Variants in UNC13A observed in about 807,000 individuals in gnomAD.
UNC13A encodes protein unc-13 homolog A.
A neutral mutation model predicts 219.7 loss-of-function variants in UNC13A; 61 were observed. That is an observed-to-expected ratio of 0.28 (90% CI 0.23 to 0.34). The LOEUF (loss-of-function observed/expected upper bound fraction) is 0.34, where lower values mean the gene tolerates loss of function less well. Ranked by LOEUF, UNC13A falls within the 10% of genes least tolerant of loss-of-function variation. The pLI is 1.00. For missense variants in UNC13A, 1,476 were observed against 2,270.3 expected, an observed-to-expected ratio of 0.65 and a Z score of 7.11; for synonymous variants, 920 against 884.6, an observed-to-expected ratio of 1.04 and a Z score of -0.71.
intron 36 of UNC13A, chr19:17,622,733 G>T (rs1015367072): frequency 5.9e-5 from 9 of 153,658 alleles, no homozygotes; most frequent in African/African-American, 1.7e-4. Flanking sequence ...CGCGATCTCG[G>T]CTCACTGCAA....
chr19:17,648,341 C>A, intron 16 of UNC13A, 90 bp downstream of exon 16: 1 of 1,298,448 alleles, frequency 7.7e-7, no homozygotes, highest in South Asian at 1.6e-5. Flanking sequence ...GTGCCCCACC[C>A]ATCGCCTTGC....
chr19:17,632,006 G>A (rs2076861147), intron 28 of UNC13A, among the ~76,000 whole-genome samples: 1 of 152,166 alleles, frequency 6.6e-6, no homozygotes, highest in African/African-American at 2.4e-5. Flanking sequence ...CGCCTCCTGG[G>A]TTCAAGCAAT....
chr19:17,659,719 T>C (rs1568264354), intron 8 of UNC13A, among the ~76,000 whole-genome samples: 1 of 152,046 alleles, frequency 6.6e-6, no homozygotes, highest in Non-Finnish European at 1.5e-5. Context: ...CAGTGAGCTA[T>C]GATTACGCCT....
chr19:17,657,919 G>T, intron 9 of UNC13A, 143 bp downstream of exon 9: 1 of 769,630 alleles, frequency 1.3e-6, no homozygotes. Context: ...ATTCCCACAA[G>T]AAAATGTGAA....
chr19:17,629,365 C>A (rs374984227), intron 30 of UNC13A, 42 bp from the exon 31 acceptor site: 5 of 1,562,218 alleles, frequency 3.2e-6, no homozygotes, highest in African/African-American at 1.4e-5. Flanking sequence ...GAGGCTGGCA[C>A]CAAGGCAGGC....
chr19:17,668,860 A>G (rs1238442916), intron 5 of UNC13A, among the ~76,000 whole-genome samples: 1 of 152,096 alleles, frequency 6.6e-6, no homozygotes, highest in Admixed American at 6.6e-5. Flanking sequence ...CAGTGGCACA[A>G]TCACAACTCA....
chr19:17,603,486 A>G lies in UNC13A; in HGVS notation c.*2568T>C, dbSNP rs988868421. On this transcript the variant is annotated 3_prime_UTR_variant, in exon 44 of 44. Coordinates refer to ENST00000519716, the MANE Select transcript of UNC13A (RefSeq NM_001080421.3). ...CTGCTCCTCAGTCCATATAACAGTCACATAAGCTTATCCCTGGCTACAACT... is the reference window on the plus strand; with the variant it reads ...CTGCTCCTCAGTCCATATAACAGTCGCATAAGCTTATCCCTGGCTACAACT... 6.6e-6 allele frequency: 1 copy of G among 152,354 alleles called. No homozygotes were observed. The highest frequency in any genetic ancestry group is 2.4e-5 in the African/African-American group (1 of 41,562). 9.4% of individuals were successfully genotyped at this position (152,354 alleles called of 1,614,324 possible). A position where few individuals can be genotyped will look rare whatever the true frequency, so the allele number is the denominator to read the frequency against.
intron 12 of UNC13A, among the ~76,000 whole-genome samples, chr19:17,650,469 C>T (rs905703918): frequency 5.3e-5 from 8 of 152,142 alleles, no homozygotes; most frequent in African/African-American, 1.4e-4. Context: ...GTCGAGATCA[C>T]GCCACTGCAA....
At chr19:17,648,407 C>G (rs757787332) in intron 16 of UNC13A, 24 bp downstream of exon 16, 16 of 1,536,046 alleles carry the variant, frequency 1.0e-5, no homozygotes, top group Non-Finnish European at 1.4e-5. Context: ...AACCCGTGGC[C>G]CTGCGCTCAG....
chr19:17,639,056 TC>T, intron 25 of UNC13A, 26 bp downstream of exon 25: 3 of 1,555,246 alleles, frequency 1.9e-6, no homozygotes, highest in Admixed American at 2.0e-5. Flanking sequence ...GCATCACTGT[TC>T]CCTTCTGACC....
At chr19:17,673,946 G>A (rs911007088) in intron 3 of UNC13A, among the ~76,000 whole-genome samples, 1 of 152,156 alleles carries the variant, frequency 6.6e-6, no homozygotes, top group East Asian at 1.9e-4. Context: ...GGGAGGTGGA[G>A]GTTGAAGTGA....
chr19:17,625,513 C>G (rs974165556), intron 34 of UNC13A, among the ~76,000 whole-genome samples: 1 of 152,042 alleles, frequency 6.6e-6, no homozygotes, highest in Admixed American at 6.5e-5. Context: ...CCTTAATTCT[C>G]TATTTCTTTT....
intron 16 of UNC13A, 85 bp from the exon 17 acceptor site, chr19:17,647,577 C>T: frequency 1.5e-6 from 2 of 1,350,390 alleles, no homozygotes; most frequent in Non-Finnish European, 2.0e-6. Context: ...CCCTACTCAT[C>T]AACCGGGGGG....
intron 28 of UNC13A, among the ~76,000 whole-genome samples, chr19:17,631,212 CTTCCTTCCTT>C (rs2076849917): frequency 8.8e-5 from 3 of 34,226 alleles, no homozygotes; most frequent in Non-Finnish European, 2.1e-4. Flanking sequence ...CCCTTCCTTC[CTTCCTTCCTT>C]CTTCCTTCCT....
intron 8 of UNC13A, among the ~76,000 whole-genome samples, chr19:17,660,538 T>G (rs1208092966): frequency 6.7e-6 from 1 of 150,078 alleles, no homozygotes; most frequent in Non-Finnish European, 1.5e-5. Flanking sequence ...TTTTTGGGTT[T>G]TTTTTTTTTT....
chr19:17,608,387 T>TATATATTATATATGTATATAAA (rs1358583059), intron 43 of UNC13A, among the ~76,000 whole-genome samples: 107 of 136,122 alleles, frequency 7.9e-4, no homozygotes, highest in African/African-American at 2.8e-3. Context: ...TATATAAATA[T>TATATATTATATATGTATATAAA]ATATATATTT....
rs374634890 is a variant in UNC13A, at chr19:17,620,782, G to A, written c.4243-60C>T. 9 of 1,577,108 alleles carry A rather than the reference G, an allele frequency of 5.7e-6. No individual in the cohort carries two copies. In the African/African-American group the frequency reaches 8.1e-5, roughly 14 times the overall value. On this transcript the variant is annotated intron_variant, in intron 37 of 43. Coordinates refer to ENST00000519716, the MANE Select transcript of UNC13A (RefSeq NM_001080421.3). ...GTGACTGTTGGGAGGATACTCAGTG[G>A]GACTTCCCTGCCCCCTCAAAGCACA...
intron 43 of UNC13A, among the ~76,000 whole-genome samples, chr19:17,608,931 G>A (rs1035382679): frequency 2.0e-5 from 3 of 150,878 alleles, no homozygotes; most frequent in Admixed American, 6.6e-5. Flanking sequence ...GCTTACAGGC[G>A]TGAGCCACCA....
At position 17,609,947 on chromosome 19, in the gene UNC13A, A is replaced by G; in HGVS notation, c.4804T>C (p.Phe1602Leu). 6.2e-7 allele frequency: 1 copy of G among 1,613,538 alleles called. No individual in the cohort carries two copies. The highest frequency in any genetic ancestry group is 1.7e-5 in the Admixed American group (1 of 60,018). ...AAAGCATCCCAAACTCACAACTGGA[A>G]GCTCTCATTGTACTTGGGAGCCCAG... ...NSWAPKYNES[F>L]QFTLSADAGP... is the part of the protein sequence containing the mutation. The change falls in exon 43 of 44, where the codon TTC (phenylalanine) becomes CTC (leucine). Residue 1602 changes from phenylalanine (F) to leucine (L), a missense_variant. Coordinates refer to ENST00000519716, the MANE Select transcript of UNC13A (RefSeq NM_001080421.3).
Sources: gnomAD v4.1 joint callset for allele counts (sites outside exome capture counted in the v4.1 genomes callset) on GRCh38, gnomAD v4.1.1 for gene constraint, MANE v1.5 for transcripts, NCBI Gene and HGNC (gene_info 2026-07-23, HGNC 2026-07-21) for gene names.